The following SESN3 variants were observed in gnomAD, a reference collection of about 807,000 sequenced individuals.
The protein encoded by SESN3 is sestrin 3, also known as sestrin-3.
Under a neutral mutation model 55.3 loss-of-function variants are expected in SESN3, and 21 were observed. That is an observed-to-expected ratio of 0.38 (90% CI 0.27 to 0.55). SESN3 has a LOEUF of 0.55. Ranked by LOEUF, SESN3 falls within the 20% of genes least tolerant of loss-of-function variation. SESN3 has a pLI of 0.76. For missense variants in SESN3, 408 were observed against 604.3 expected (o/e 0.68, Z 3.41); for synonymous variants, 181 against 203.1 (o/e 0.89, Z 0.93).
intron 1 of SESN3, among the ~76,000 whole-genome samples, chr11:95,193,967 T>C (rs1321627053): frequency 6.6e-6 from 1 of 152,064 alleles, no homozygotes; most frequent in Non-Finnish European, 1.5e-5. Context: ...AAAATAGCAA[T>C]AAGCATATCT....
chr11:95,175,472 A>G (rs1257238409), intron 9 of SESN3, 26 bp downstream of exon 9: 2 of 1,594,830 alleles, frequency 1.3e-6, no homozygotes, highest in Non-Finnish European at 1.7e-6. Context: ...TGTCTATGGT[A>G]TAATGCTTAA....
chr11:95,189,998 T>C lies in SESN3; in HGVS notation c.343-37A>G. 2.0e-6 allele frequency: 3 copies of C among 1,486,536 alleles called. No individual in the cohort carries two copies. In the South Asian group the frequency reaches 3.7e-5, roughly 18 times the overall value. The allele number at this position is 1,486,536 out of a possible 1,614,324, so 92.1% of individuals were successfully genotyped here. On this transcript the variant is annotated intron_variant, in intron 3 of 9. Coordinates refer to ENST00000536441, the MANE Select transcript of SESN3 (RefSeq NM_144665.4). The stretch of plus-strand genomic sequence containing the variant: ...AGAAAAAAATTCATTGATAAAAGAA[T>C]CACAGTAGAGTTTCTTTCCACTATT...
In SESN3 at chr11:95,167,475, C is replaced by CCCATATATATATATATATATATATAT. The variant is rs563322416; in HGVS notation, c.*5779_*5780insATATATATATATATATATATATATGG. 2.7e-5 allele frequency: 4 copies of CCCATATATATATATATATATATATAT among 150,824 alleles called. No homozygotes were observed. The highest frequency in any genetic ancestry group is 9.9e-5 in the African/African-American group (4 of 40,224). 9.3% of individuals were successfully genotyped at this position (150,824 alleles called of 1,614,324 possible). A position where few individuals can be genotyped will look rare whatever the true frequency, so the allele number is the denominator to read the frequency against. On this transcript the variant is annotated 3_prime_UTR_variant, in exon 10 of 10. Coordinates refer to ENST00000536441, the MANE Select transcript of SESN3 (RefSeq NM_144665.4). ...TCAGATATTCATTCTGTTTCCCCCC[C>CCCATATATATATATATATATATATAT]ATATATATAATTTTTCATTCTGTAC...
chr11:95,181,011 A>G (rs993278125), intron 6 of SESN3, among the ~76,000 whole-genome samples: 1 of 152,136 alleles, frequency 6.6e-6, no homozygotes, highest in Non-Finnish European at 1.5e-5. Context: ...TATGAAAGGT[A>G]GTTTTATAGG....
chr11:95,215,209 A>G (rs1436358684), intron 1 of SESN3, among the ~76,000 whole-genome samples: 1 of 141,208 alleles, frequency 7.1e-6, no homozygotes, highest in East Asian at 2.2e-4. Context: ...GTTACACTAC[A>G]GATGGTTGGG....
intron 6 of SESN3, among the ~76,000 whole-genome samples, chr11:95,183,345 T>C (rs778368023): frequency 6.6e-6 from 1 of 152,104 alleles, no homozygotes; most frequent in African/African-American, 2.4e-5. Flanking sequence ...ATAAAATTTT[T>C]CATAAAAAAG....
rs144300780 is a variant in SESN3, at chr11:95,168,655, T to A, written c.*4600A>T. 6.6e-6 allele frequency: 1 copy of A among 152,046 alleles called. No individual in the cohort carries two copies. Among genetic ancestry groups the A allele is most frequent in the South Asian group, 2.1e-4 (1 of 4,824 alleles). The allele number at this position is 152,046 out of a possible 1,614,324, so 9.4% of individuals were successfully genotyped here. A position where few individuals can be genotyped will look rare whatever the true frequency, so the allele number is the denominator to read the frequency against. On this transcript the variant is annotated 3_prime_UTR_variant, in exon 10 of 10. Transcript: ENST00000536441. ...GATACTGCATTAACATCTGGTAGAG[T>A]GTCTAGGGCAAAGGTTAGCCAAAAT...
chr11:95,202,522 C>T (rs1860477476), intron 1 of SESN3, among the ~76,000 whole-genome samples: 1 of 151,922 alleles, frequency 6.6e-6, no homozygotes, highest in African/African-American at 2.4e-5. Flanking sequence ...TAATTTGTAC[C>T]ACTTTCTTAA....
intron 4 of SESN3, among the ~76,000 whole-genome samples, chr11:95,185,810 T>C (rs540856800): frequency 1.3e-5 from 2 of 152,124 alleles, no homozygotes; most frequent in South Asian, 4.1e-4. Flanking sequence ...TGGAGCTAGA[T>C]AGGACTTTAA....
At chr11:95,212,577 G>A (rs1860677714) in intron 1 of SESN3, among the ~76,000 whole-genome samples, 1 of 151,894 alleles carries the variant, frequency 6.6e-6, no homozygotes, top group Non-Finnish European at 1.5e-5. Context: ...TCTACCATAT[G>A]GTATAAAAGT....
chr11:95,179,008 A>G (rs1035973533), intron 6 of SESN3, among the ~76,000 whole-genome samples, 180 bp from the exon 7 acceptor site: 5 of 152,218 alleles, frequency 3.3e-5, no homozygotes, highest in Non-Finnish European at 5.9e-5. Context: ...TTCATTACCA[A>G]ATACTGGCAA....
chr11:95,176,298 A>G lies in SESN3; in HGVS notation c.1248-656T>C, dbSNP rs11823168. Among the ~76,000 whole-genome samples the G allele has an allele frequency of 5.5e-3, 838 of 152,318 alleles. 8 individuals carry two copies. The highest frequency in any genetic ancestry group is 0.018 in the African/African-American group (756 of 41,570). On this transcript the variant is annotated intron_variant, in intron 8 of 9. Coordinates refer to ENST00000536441, the MANE Select transcript of SESN3 (RefSeq NM_144665.4). ...AAAATAGTGACAGTAAATATACACA[A>G]TTTTGTCAGAGATTTGCTTCGCACG...
At position 95,219,757 on chromosome 11, in the gene SESN3, AT is replaced by A. The variant is rs34154515; in HGVS notation, c.78+11025del. On this transcript the variant is annotated intron_variant, in intron 1 of 9. Coordinates refer to ENST00000536441, the MANE Select transcript of SESN3 (RefSeq NM_144665.4). Reference sequence around the variant, plus strand: ...CCTTGGAGTAAACATATTGAAAAATATTTTTTTTTTTGCCAAAATCATTACC... The same window carrying A: ...CCTTGGAGTAAACATATTGAAAAATATTTTTTTTTTGCCAAAATCATTACC... Among the ~76,000 whole-genome samples the A allele has an allele frequency of 1.8e-3, 269 of 150,194 alleles. 6 individuals carry two copies. The South Asian group carries it at 0.05, about 28-fold the overall frequency.
rs555146557 is a variant in SESN3 at position 95,169,466 on chromosome 11, A to C, written c.*3789T>G. On this transcript the variant is annotated 3_prime_UTR_variant, in exon 10 of 10. Coordinates refer to ENST00000536441, the MANE Select transcript of SESN3 (RefSeq NM_144665.4). ...GTACTGTTTAGTCCATGTTAAGACC[A>C]TCTCTTTGCATAAAAGCAGTTCTAT... 1.3e-5 allele frequency: 2 copies of C among 152,368 alleles called. No homozygotes were observed. Among genetic ancestry groups the C allele is most frequent in the East Asian group, 3.9e-4 (2 of 5,192 alleles). 9.4% of individuals were successfully genotyped at this position (152,368 alleles called of 1,614,324 possible).
At chr11:95,202,441 C>T (rs1188711914) in intron 1 of SESN3, among the ~76,000 whole-genome samples, 1 of 151,996 alleles carries the variant, frequency 6.6e-6, no homozygotes, top group East Asian at 1.9e-4. Flanking sequence ...TTACTGTCTT[C>T]CATGTGCCCT....
intron 7 of SESN3, 62 bp downstream of exon 7, chr11:95,178,648 A>G (rs1212900131): frequency 9.7e-7 from 1 of 1,026,696 alleles, no homozygotes; most frequent in Admixed American, 1.9e-5. Flanking sequence ...TTTAAAATTT[A>G]AACACTTAAC....
At chr11:95,216,110 GAAAA>G in intron 1 of SESN3, among the ~76,000 whole-genome samples, 1 of 122,218 alleles carries the variant, frequency 8.2e-6, no homozygotes, top group East Asian at 2.4e-4. Flanking sequence ...AAAAAAAAAA[GAAAA>G]AAAAAAAAAA....
intron 1 of SESN3, among the ~76,000 whole-genome samples, chr11:95,216,011 T>C (rs1202039933): frequency 6.9e-6 from 1 of 143,918 alleles, no homozygotes; most frequent in African/African-American, 2.6e-5. Context: ...GGCAGGAGAA[T>C]GGCGTGAACT....
intron 5 of SESN3, among the ~76,000 whole-genome samples, chr11:95,184,811 GTATA>G (rs947527142): frequency 2.0e-4 from 30 of 151,724 alleles, no homozygotes; most frequent in Non-Finnish European, 3.4e-4. Flanking sequence ...AAGTTTATAA[GTATA>G]TATGTGTGTG....
Sources: gnomAD v4.1 joint callset for allele counts (sites outside exome capture counted in the v4.1 genomes callset) on GRCh38, gnomAD v4.1.1 for gene constraint, MANE v1.5 for transcripts, NCBI Gene and HGNC (gene_info 2026-07-23, HGNC 2026-07-21) for gene names.